The following RABEP1 variants were observed in gnomAD, a reference collection of about 807,000 sequenced individuals.
The protein encoded by RABEP1 is rabaptin, RAB GTPase binding effector protein 1.
In RABEP1, 51 loss-of-function variants were observed where a neutral mutation model predicts 123.4. The observed-to-expected ratio is 0.41, with a 90% CI of 0.33 to 0.52. The LOEUF (loss-of-function observed/expected upper bound fraction) is 0.52, where lower values mean the gene tolerates loss of function less well. RABEP1 is among the 20% of genes least tolerant of loss of function. The pLI is 0.16. For missense variants in RABEP1, 888 were observed against 996.3 expected (o/e 0.89, Z 1.46); for synonymous variants, 347 against 355.2 (o/e 0.98, Z 0.26).
intron 2 of RABEP1, among the ~76,000 whole-genome samples, chr17:5,323,543 A>AT (rs148517357): frequency 0.14 from 20,503 of 151,638 alleles, 1,446 homozygotes; most frequent in East Asian, 0.18. Context: ...GCATTAATAT[A>AT]TACCAACAGT....
At position 5,384,247 on chromosome 17, in the gene RABEP1, ATC is replaced by A. The variant is rs1415506635; in HGVS notation, c.*1026_*1027del. On this transcript the variant is annotated 3_prime_UTR_variant, in exon 18 of 18. Coordinates refer to ENST00000537505, the MANE Select transcript of RABEP1 (RefSeq NM_004703.6). ...GAAAGCCAGTTAGTTAGAATTGGAA[ATC>A]TGTCTTGTCATTTTACAAGCATTAG... The A allele has an allele frequency of 9.3e-6, 2 of 214,454 alleles. No individual in the cohort carries two copies. The highest frequency in any genetic ancestry group is 1.9e-5 in the Non-Finnish European group (2 of 106,412). The allele number at this position is 214,454 out of a possible 1,614,324, so 13.3% of individuals were successfully genotyped here. A position where few individuals can be genotyped will look rare whatever the true frequency, so the allele number is the denominator to read the frequency against.
chr17:5,296,981 G>A (rs2075089613), intron 1 of RABEP1, among the ~76,000 whole-genome samples: 1 of 151,458 alleles, frequency 6.6e-6, no homozygotes, highest in Admixed American at 6.6e-5. Flanking sequence ...CAAATGATCT[G>A]CCTGCCTCAG....
In RABEP1 at chr17:5,309,436, C is replaced by G. The variant is rs1367831749; in HGVS notation, c.163+614C>G. Among the ~76,000 whole-genome samples the G allele has an allele frequency of 2.0e-5, 3 of 150,632 alleles. No individual in the cohort carries two copies. In the East Asian group the frequency reaches 5.8e-4, roughly 29 times the overall value. ...AGGCCAACGGGCGGGGGCGGATCAC[C>G]TGAGGTCGGGAGTTCAAGTCCAGCC... is the stretch of plus-strand genomic sequence containing the variant. On this transcript the variant is annotated intron_variant, in intron 2 of 17. Coordinates refer to ENST00000537505, the MANE Select transcript of RABEP1 (RefSeq NM_004703.6).
intron 5 of RABEP1, among the ~76,000 whole-genome samples, chr17:5,339,525 C>T (rs748971555): frequency 4.6e-5 from 7 of 151,598 alleles, no homozygotes; most frequent in African/African-American, 1.2e-4. Context: ...AGCCTGGGCG[C>T]GGTGGCTCAT....
chr17:5,292,792 T>C (rs890985934), intron 1 of RABEP1, among the ~76,000 whole-genome samples: 1 of 152,100 alleles, frequency 6.6e-6, no homozygotes, highest in Non-Finnish European at 1.5e-5. Flanking sequence ...GGTGATCCTC[T>C]CACCTCAGCC....
At chr17:5,289,348 C>T (rs1240105354) in intron 1 of RABEP1, among the ~76,000 whole-genome samples, 1 of 150,642 alleles carries the variant, frequency 6.6e-6, no homozygotes, top group Non-Finnish European at 1.5e-5. Flanking sequence ...TTTGGTCTCA[C>T]AGTTTGTCAT....
intron 5 of RABEP1, 70 bp from the exon 6 acceptor site, chr17:5,346,720 T>TA (rs1908095436): frequency 1.5e-6 from 2 of 1,297,038 alleles, no homozygotes; most frequent in South Asian, 4.7e-5. Context: ...AGCCAGAACT[T>TA]ACCATCATTC....
chr17:5,381,845 C>T (rs916546720), intron 17 of RABEP1: 6 of 181,176 alleles, frequency 3.3e-5, no homozygotes, highest in African/African-American at 1.2e-4. Flanking sequence ...TGTGGTTCCT[C>T]GCCCACAGCG....
At chr17:5,368,078 T>C (rs574843698) in intron 11 of RABEP1, among the ~76,000 whole-genome samples, 1 of 152,260 alleles carries the variant, frequency 6.6e-6, no homozygotes, top group South Asian at 2.1e-4. Context: ...TTAAACATCT[T>C]TAAACATAGC....
intron 1 of RABEP1, among the ~76,000 whole-genome samples, chr17:5,303,754 C>T (rs549336555): frequency 6.6e-6 from 1 of 152,132 alleles, no homozygotes; most frequent in Admixed American, 6.5e-5. Context: ...GTAAAGATGC[C>T]AGGTGTGGTG....
At position 5,386,013 on chromosome 17, in the gene RABEP1, G is replaced by A; in HGVS notation, c.*2790G>A. 1.9e-6 allele frequency: 1 copy of A among 538,698 alleles called. No homozygotes were observed. The highest frequency in any genetic ancestry group is 3.2e-6 in the Non-Finnish European group (1 of 308,658). The allele number at this position is 538,698 out of a possible 1,614,324, so 33.4% of individuals were successfully genotyped here. On this transcript the variant is annotated 3_prime_UTR_variant, in exon 18 of 18. Coordinates refer to ENST00000537505, the MANE Select transcript of RABEP1 (RefSeq NM_004703.6). ...TTGCTGAACACAACTGTAGGCTTGA[G>A]TTATAAAGCACATTCCAAATTTTAA...
intron 1 of RABEP1, among the ~76,000 whole-genome samples, chr17:5,292,606 A>G (rs1727232437): frequency 1.3e-5 from 2 of 151,710 alleles, no homozygotes; most frequent in South Asian, 4.2e-4. Flanking sequence ...CTGGTCTGGA[A>G]CTCCTGACCT....
At chr17:5,376,906 A>G (rs1308698027) in intron 13 of RABEP1, among the ~76,000 whole-genome samples, 1 of 152,246 alleles carries the variant, frequency 6.6e-6, no homozygotes, top group Non-Finnish European at 1.5e-5. Context: ...GGCTTACAAG[A>G]TACGACTTGG....
intron 15 of RABEP1, 111 bp from the exon 16 acceptor site, chr17:5,380,253 C>T: frequency 1.5e-6 from 1 of 668,252 alleles, no homozygotes; most frequent in Non-Finnish European, 2.5e-6. Flanking sequence ...GGAGTATTCC[C>T]AGTGTAGCCC....
At chr17:5,365,364 A>G in intron 11 of RABEP1, 126 bp downstream of exon 11, 2 of 569,266 alleles carry the variant, frequency 3.5e-6, no homozygotes, top group Non-Finnish European at 6.0e-6. Flanking sequence ...CCCTCAGGTA[A>G]AAAGATTTCT....
chr17:5,298,507 TTGTG>T (rs767127929), intron 1 of RABEP1, among the ~76,000 whole-genome samples: 4 of 152,322 alleles, frequency 2.6e-5, no homozygotes, highest in East Asian at 3.9e-4. Context: ...CCACTCTGAA[TTGTG>T]TGTGTATGTG....
intron 9 of RABEP1, 65 bp from the exon 10 acceptor site, chr17:5,362,847 G>T: frequency 1.9e-6 from 2 of 1,057,614 alleles, no homozygotes; most frequent in Non-Finnish European, 3.0e-6. Context: ...GACTATGCAC[G>T]TGTACCTCAA....
At chr17:5,296,293 C>T (rs912373323) in intron 1 of RABEP1, among the ~76,000 whole-genome samples, 4 of 152,030 alleles carry the variant, frequency 2.6e-5, no homozygotes, top group Admixed American at 6.6e-5. Context: ...GGCAGAGTTT[C>T]ATTCTTGTTG....
chr17:5,282,588 C>T, intron 1 of RABEP1, 68 bp downstream of exon 1: 1 of 1,065,376 alleles, frequency 9.4e-7, no homozygotes, highest in Non-Finnish European at 1.2e-6. Context: ...GGGAGGATTT[C>T]GGGGCGGGCA....
Sources: gnomAD v4.1 joint callset for allele counts (sites outside exome capture counted in the v4.1 genomes callset) on GRCh38, gnomAD v4.1.1 for gene constraint, MANE v1.5 for transcripts, NCBI Gene and HGNC (gene_info 2026-07-23, HGNC 2026-07-21) for gene names.